The following SGPP2 variants were observed in gnomAD, a reference collection of about 807,000 sequenced individuals.
The protein encoded by SGPP2 is sphingosine 1-phosphate phosphohydrolase 2.
Under a neutral mutation model 33.9 loss-of-function variants are expected in SGPP2, and 30 were observed. That is an observed-to-expected ratio of 0.89 (90% confidence interval 0.66 to 1.20). The LOEUF is 1.20. Ranked by LOEUF, SGPP2 falls within the 50% of genes most tolerant of loss-of-function variation. The pLI is 0.00. For missense variants in SGPP2, 458 were observed against 532.1 expected, an observed-to-expected ratio of 0.86 and a Z score of 1.37; for synonymous variants, 233 against 225.0, an observed-to-expected ratio of 1.04 and a Z score of -0.32.
chr2:222,437,201 C>T (rs1697255039), intron 1 of SGPP2, among the ~76,000 whole-genome samples: 1 of 152,192 alleles, frequency 6.6e-6, no homozygotes. Context: ...TCTTTGTCAC[C>T]AATTTTCCAA....
rs1019559091 is a variant in SGPP2 at position 222,424,705 on chromosome 2, G to A, written c.103G>A (p.Gly35Ser). ...TCCGGATGAAGGCCCCCGGGAGAACGGCGCGGACCCCACGGAGCGCGCGGC... is the reference window on the plus strand; with the variant it reads ...TCCGGATGAAGGCCCCCGGGAGAACAGCGCGGACCCCACGGAGCGCGCGGC... ...PAPDEGPREN[G>S]ADPTERAARV... The change falls in exon 1 of 5, where the codon GGC (glycine) becomes AGC (serine). Residue 35 changes from glycine to serine, a missense_variant. Gly to Ser is a moderately conservative substitution (Grantham distance 56). Coordinates refer to ENST00000321276, the MANE Select transcript of SGPP2 (RefSeq NM_152386.4). The A allele has an allele frequency of 4.8e-6, 7 of 1,445,562 alleles. No homozygotes were observed. The highest frequency in any genetic ancestry group is 6.4e-6 in the Non-Finnish European group (7 of 1,100,890). The allele number at this position is 1,445,562 out of a possible 1,614,324, so 89.5% of individuals were successfully genotyped here. A position where few individuals can be genotyped will look rare whatever the true frequency, so the allele number is the denominator to read the frequency against.
intron 3 of SGPP2, among the ~76,000 whole-genome samples, chr2:222,522,244 G>T (rs572972881): frequency 1.3e-5 from 2 of 152,336 alleles, no homozygotes; most frequent in East Asian, 3.9e-4. Context: ...ATCACCCTGG[G>T]CTGCCTGATG....
intron 4 of SGPP2, among the ~76,000 whole-genome samples, chr2:222,533,820 AG>A (rs1698874122): frequency 6.6e-6 from 1 of 151,702 alleles, no homozygotes; most frequent in South Asian, 2.1e-4. Flanking sequence ...CGCTCCTTAA[AG>A]GACTTCAGGG....
At chr2:222,463,030 T>A (rs1697689028) in intron 1 of SGPP2, among the ~76,000 whole-genome samples, 1 of 152,206 alleles carries the variant, frequency 6.6e-6, no homozygotes, top group Non-Finnish European at 1.5e-5. Flanking sequence ...AGCGACAGCC[T>A]CCCATTGGGG....
intron 1 of SGPP2, among the ~76,000 whole-genome samples, chr2:222,467,883 C>G (rs1367548403): frequency 1.6e-5 from 2 of 125,690 alleles, no homozygotes; most frequent in Non-Finnish European, 3.2e-5. Flanking sequence ...ACTCCTGGCT[C>G]TGTTGAAGTG....
At chr2:222,471,650 G>A (rs1191047471) in intron 1 of SGPP2, among the ~76,000 whole-genome samples, 2 of 152,088 alleles carry the variant, frequency 1.3e-5, no homozygotes, top group Non-Finnish European at 2.9e-5. Flanking sequence ...ATAAACAAAT[G>A]TAACTTGTTT....
chr2:222,545,960 G>A (rs945462001), intron 4 of SGPP2, among the ~76,000 whole-genome samples: 7 of 152,182 alleles, frequency 4.6e-5, no homozygotes, highest in Admixed American at 3.9e-4. Context: ...TGGATACAGC[G>A]ACTGTAGAAG....
At position 222,474,708 on chromosome 2, in the gene SGPP2, A is replaced by G. The variant is rs192408190; in HGVS notation, c.360A>G (p.Arg120=). The part of the protein sequence containing the change: ...HWNIDPYLSR[R]LIIIWVLVMY... ...ATATTGACCCTTATTTATCCAGAAG[A>G]TTGATCATCATATGGGTTGTAAGTA... Residue 120 remains arginine, a synonymous_variant, in exon 2 of 5, where the codon AGA becomes AGG. Transcript: ENST00000321276. The G allele has an allele frequency of 6.1e-5, 99 of 1,613,608 alleles. No individual in the cohort carries two copies. The highest frequency in any genetic ancestry group is 3.3e-4 in the Middle Eastern group (2 of 6,062).
At chr2:222,487,140 G>A (rs1698123988) in intron 2 of SGPP2, among the ~76,000 whole-genome samples, 1 of 152,188 alleles carries the variant, frequency 6.6e-6, no homozygotes, top group Admixed American at 6.5e-5. Context: ...GAAGACTCAT[G>A]AGTCTTTTAA....
rs1407345221 is a variant in SGPP2, at chr2:222,560,994, A to C, written c.*2096A>C. ...GTGGAGGGCGCCTGTAGTCCCAGCT[A>C]CTCAGGAGGCTGAGGCAGGAGAATG... On this transcript the variant is annotated 3_prime_UTR_variant, in exon 5 of 5. Coordinates refer to ENST00000321276, the MANE Select transcript of SGPP2 (RefSeq NM_152386.4). 2 of 151,808 alleles carry C rather than the reference A, an allele frequency of 1.3e-5. No individual in the cohort carries two copies. Among genetic ancestry groups the C allele is most frequent in the African/African-American group, 4.8e-5 (2 of 41,268 alleles). The allele number at this position is 151,808 out of a possible 1,614,324, so 9.4% of individuals were successfully genotyped here. A position where few individuals can be genotyped will look rare whatever the true frequency, so the allele number is the denominator to read the frequency against.
chr2:222,516,282 T>C (rs979510270), intron 2 of SGPP2, among the ~76,000 whole-genome samples: 3 of 152,208 alleles, frequency 2.0e-5, no homozygotes, highest in African/African-American at 7.2e-5. Context: ...ACTTTGTCAT[T>C]TGTCTTGGTC....
At chr2:222,453,377 A>G (rs1697522530) in intron 1 of SGPP2, among the ~76,000 whole-genome samples, 2 of 152,236 alleles carry the variant, frequency 1.3e-5, no homozygotes. Context: ...CTTTTCTGGA[A>G]GATCTTAGAG....
At chr2:222,542,725 T>A (rs1454458725) in intron 4 of SGPP2, among the ~76,000 whole-genome samples, 2 of 151,934 alleles carry the variant, frequency 1.3e-5, no homozygotes, top group African/African-American at 4.8e-5. Flanking sequence ...CTTTTACCTA[T>A]TTTTTTTATT....
intron 1 of SGPP2, among the ~76,000 whole-genome samples, chr2:222,456,179 CT>C (rs1170343042): frequency 6.6e-6 from 1 of 152,168 alleles, no homozygotes; most frequent in East Asian, 1.9e-4. Context: ...GAATAAATTG[CT>C]TTAATTTGCA....
At chr2:222,510,068 A>G (rs1227660094) in intron 2 of SGPP2, among the ~76,000 whole-genome samples, 1 of 152,204 alleles carries the variant, frequency 6.6e-6, no homozygotes, top group Non-Finnish European at 1.5e-5. Flanking sequence ...TGGCCAAATA[A>G]TATTCCATTG....
At chr2:222,433,999 A>G (rs1247058168) in intron 1 of SGPP2, among the ~76,000 whole-genome samples, 1 of 152,178 alleles carries the variant, frequency 6.6e-6, no homozygotes, top group Non-Finnish European at 1.5e-5. Flanking sequence ...GTTTTCGTTA[A>G]TGATTAAGTC....
At chr2:222,548,844 C>T (rs1280233675) in intron 4 of SGPP2, among the ~76,000 whole-genome samples, 2 of 152,172 alleles carry the variant, frequency 1.3e-5, no homozygotes, top group African/African-American at 4.8e-5. Context: ...GCTATTGAAT[C>T]TCATCTGCAT....
intron 2 of SGPP2, among the ~76,000 whole-genome samples, chr2:222,480,608 A>G (rs1482612131): frequency 6.6e-6 from 1 of 152,230 alleles, no homozygotes; most frequent in African/African-American, 2.4e-5. Flanking sequence ...TAAGAGAGCA[A>G]ACCTTTTCCT....
intron 4 of SGPP2, among the ~76,000 whole-genome samples, chr2:222,552,478 GA>G (rs1353483924): frequency 6.6e-6 from 1 of 152,194 alleles, no homozygotes; most frequent in Non-Finnish European, 1.5e-5. Flanking sequence ...GAAAGGATGA[GA>G]GGGGGGCGAG....
Sources: gnomAD v4.1 joint callset for allele counts (sites outside exome capture counted in the v4.1 genomes callset) on GRCh38, gnomAD v4.1.1 for gene constraint, MANE v1.5 for transcripts, NCBI Gene and HGNC (gene_info 2026-07-23, HGNC 2026-07-21) for gene names.